TMEM170B: variants seen among roughly 807,000 people sequenced by gnomAD.
The protein encoded by TMEM170B is transmembrane protein 170B.
A neutral mutation model predicts 13.0 loss-of-function variants in TMEM170B; 6 were observed. That is an observed-to-expected ratio of 0.46 (90% CI 0.25 to 0.91). The LOEUF is 0.91. Among genes scored for constraint, TMEM170B ranks in the 40% least tolerant of loss-of-function variants. The pLI, the probability that TMEM170B is intolerant of heterozygous loss-of-function variation, is 0.17. For synonymous variants in TMEM170B, 61 were observed against 64.9 expected, an observed-to-expected ratio of 0.94 and a Z score of 0.29; for missense variants, 138 against 165.2, an observed-to-expected ratio of 0.84 and a Z score of 0.90.
chr6:11,553,773 C>A (rs1233124804), intron 1 of TMEM170B, among the ~76,000 whole-genome samples: 1 of 152,154 alleles, frequency 6.6e-6, no homozygotes, highest in Non-Finnish European at 1.5e-5. Flanking sequence ...TCAAGTGGGA[C>A]TTCTTCAGAC....
At chr6:11,540,327 CCCTG>C (rs1270311871) in intron 1 of TMEM170B, among the ~76,000 whole-genome samples, 3 of 152,210 alleles carry the variant, frequency 2.0e-5, no homozygotes, top group African/African-American at 7.2e-5. Context: ...TCCTTTCAAA[CCCTG>C]CTGCGGCTTT....
intron 1 of TMEM170B, among the ~76,000 whole-genome samples, chr6:11,562,074 G>A (rs938563125): frequency 6.6e-6 from 1 of 152,054 alleles, no homozygotes; most frequent in African/African-American, 2.4e-5. Context: ...AAGGCGGATT[G>A]TTGACTTTTG....
chr6:11,568,738 A>C (rs1034294998), intron 2 of TMEM170B, among the ~76,000 whole-genome samples: 2 of 152,190 alleles, frequency 1.3e-5, no homozygotes, highest in Non-Finnish European at 2.9e-5. Context: ...CAATGTGAAT[A>C]GTGATATTTA....
chr6:11,538,494 C>T, intron 1 of TMEM170B, 120 bp downstream of exon 1: 1 of 749,042 alleles, frequency 1.3e-6, no homozygotes, highest in South Asian at 1.9e-5. Flanking sequence ...GCTCGGAGCT[C>T]CAGGTCCCGG....
rs1474660696 is a variant in TMEM170B at position 11,576,189 on chromosome 6, AAG to A, written c.*630_*631del. On this transcript the variant is annotated 3_prime_UTR_variant, in exon 3 of 3. Coordinates refer to ENST00000379426, the MANE Select transcript of TMEM170B (RefSeq NM_001100829.3). Reference sequence around the variant, plus strand: ...TGTGGAAGATAAGTCTTCTTAACTGAAGACTAGCTCAACTGTTTTAAGAACTC... The same window carrying A: ...TGTGGAAGATAAGTCTTCTTAACTGAACTAGCTCAACTGTTTTAAGAACTC... The A allele has an allele frequency of 6.6e-6, 1 of 152,240 alleles. No homozygotes were observed. 9.4% of individuals were successfully genotyped at this position (152,240 alleles called of 1,614,324 possible). A position where few individuals can be genotyped will look rare whatever the true frequency, so the allele number is the denominator to read the frequency against.
In TMEM170B at chr6:11,537,815, C is replaced by G. The variant is rs1482462765; in HGVS notation, c.-463C>G. Among the ~76,000 whole-genome samples, 1 of 151,494 alleles carries G rather than the reference C, an allele frequency of 6.6e-6. No homozygotes were observed. The highest frequency in any genetic ancestry group is 2.4e-5 in the African/African-American group (1 of 41,314). ...GGTGCCGCCGCAGCCTCTGGCTGGT[C>G]CCGCGTCTCCGTCCTCCGGCGGCGA... On this transcript the variant is annotated 5_prime_UTR_variant, in exon 1 of 3. Transcript: ENST00000379426.
intron 2 of TMEM170B, among the ~76,000 whole-genome samples, chr6:11,571,175 C>CTTTTTTTTTTTTTTT (rs11292093): frequency 3.2e-5 from 4 of 124,362 alleles, no homozygotes; most frequent in Non-Finnish European, 5.5e-5. Flanking sequence ...CATATGCTTG[C>CTTTTTTTTTTTTTTT]TTTTTTTTTT....
intron 1 of TMEM170B, among the ~76,000 whole-genome samples, chr6:11,556,626 T>G (rs965927268): frequency 6.6e-6 from 1 of 152,164 alleles, no homozygotes; most frequent in African/African-American, 2.4e-5. Context: ...GGCCAAACTC[T>G]TCTTACATTT....
chr6:11,547,905 T>C (rs1201818874), intron 1 of TMEM170B, among the ~76,000 whole-genome samples: 4 of 152,164 alleles, frequency 2.6e-5, no homozygotes, highest in Admixed American at 6.5e-5. Flanking sequence ...TATCTTTGTT[T>C]AGTGTTTGAA....
chr6:11,549,682 A>T (rs12189829), intron 1 of TMEM170B, among the ~76,000 whole-genome samples: 8,775 of 152,132 alleles, frequency 0.058, 270 homozygotes, highest in East Asian at 0.16. Flanking sequence ...AAAAGAAAAA[A>T]GAGGCCTCAT....
At chr6:11,546,966 G>A (rs574562946) in intron 1 of TMEM170B, among the ~76,000 whole-genome samples, 45 of 152,286 alleles carry the variant, frequency 3.0e-4, no homozygotes, top group African/African-American at 1.1e-3. Flanking sequence ...AACAAATACT[G>A]TAGTAAAAGT....
chr6:11,563,645 GT>G (rs981827521), intron 1 of TMEM170B, among the ~76,000 whole-genome samples: 13 of 152,110 alleles, frequency 8.5e-5, no homozygotes, highest in African/African-American at 3.1e-4. Flanking sequence ...CACTTCACTG[GT>G]TATGGTTACT....
rs1453860627 is a variant in TMEM170B, at chr6:11,579,694, T to C, written c.*4133T>C. 6.6e-6 allele frequency: 1 copy of C among 152,230 alleles called. No individual in the cohort carries two copies. Among genetic ancestry groups the C allele is most frequent in the South Asian group, 2.1e-4 (1 of 4,836 alleles). The allele number at this position is 152,230 out of a possible 1,614,324, so 9.4% of individuals were successfully genotyped here. A position where few individuals can be genotyped will look rare whatever the true frequency, so the allele number is the denominator to read the frequency against. On this transcript the variant is annotated 3_prime_UTR_variant, in exon 3 of 3. Transcript: ENST00000379426. Reference sequence around the variant, plus strand: ...AAGCAGGATTAAATTAGGAGTTCTGTTGACCACTGGTTAAAATAGGAAAAG... The same window carrying C: ...AAGCAGGATTAAATTAGGAGTTCTGCTGACCACTGGTTAAAATAGGAAAAG...
intron 1 of TMEM170B, among the ~76,000 whole-genome samples, chr6:11,542,849 G>A (rs1759380274): frequency 1.3e-5 from 2 of 152,274 alleles, no homozygotes; most frequent in South Asian, 4.1e-4. Context: ...TTGAATGGCC[G>A]CTGTGTGTTA....
intron 2 of TMEM170B, among the ~76,000 whole-genome samples, chr6:11,572,963 T>G (rs559163144): frequency 6.6e-6 from 1 of 152,306 alleles, no homozygotes; most frequent in Non-Finnish European, 1.5e-5. Flanking sequence ...TGGTATGGAC[T>G]TCATATAGTT....
rs1319918576 is a variant in TMEM170B, at chr6:11,575,324, T to C, written c.269-107T>C. On this transcript the variant is annotated intron_variant, in intron 2 of 2. Coordinates refer to ENST00000379426, the MANE Select transcript of TMEM170B (RefSeq NM_001100829.3). This position sits in a 1 kb window ranked among gnomAD's most constrained non-coding sequence, Gnocchi z 4.1. ...GAAAGTGGATAAAATGAGAAAAAAA[T>C]GATGACTTATGTTTTGATGAAATGA... is the stretch of plus-strand genomic sequence containing the variant. 1.4e-6 allele frequency: 2 copies of C among 1,408,584 alleles called. No individual in the cohort carries two copies. The highest frequency in any genetic ancestry group is 1.9e-6 in the Non-Finnish European group (2 of 1,040,160). 87.3% of individuals were successfully genotyped at this position (1,408,584 alleles called of 1,614,324 possible). A position where few individuals can be genotyped will look rare whatever the true frequency, so the allele number is the denominator to read the frequency against.
chr6:11,560,710 T>A (rs1247722184), intron 1 of TMEM170B, among the ~76,000 whole-genome samples: 1 of 128,136 alleles, frequency 7.8e-6, no homozygotes, highest in South Asian at 3.1e-4. Context: ...TCATCTCATA[T>A]CTTATCTCTA....
At chr6:11,559,001 A>T (rs970411630) in intron 1 of TMEM170B, among the ~76,000 whole-genome samples, 1 of 152,130 alleles carries the variant, frequency 6.6e-6, no homozygotes, top group Non-Finnish European at 1.5e-5. Flanking sequence ...TGTAGTAAAT[A>T]TTAATATTTT....
intron 2 of TMEM170B, among the ~76,000 whole-genome samples, chr6:11,566,748 C>T (rs6457727): frequency 0.019 from 2,892 of 152,300 alleles, 91 homozygotes; most frequent in African/African-American, 0.066. Context: ...TGTCTTGCAC[C>T]CCTTTTCCTT....
Sources: gnomAD v4.1 joint callset for allele counts (sites outside exome capture counted in the v4.1 genomes callset) on GRCh38, gnomAD v4.1.1 for gene constraint, Gnocchi (gnomAD v3.1) non-coding constraint, MANE v1.5 for transcripts, NCBI Gene and HGNC (gene_info 2026-07-23, HGNC 2026-07-21) for gene names.